MVK: variants seen among roughly 807,000 people sequenced by gnomAD.
MVK encodes LH receptor mRNA-binding protein.
In MVK, 34 loss-of-function variants were observed where a neutral mutation model predicts 43.2. That is an observed-to-expected ratio of 0.79 (90% CI 0.60 to 1.05). MVK has a LOEUF of 1.05. MVK is among the 50% of genes least tolerant of loss of function. The pLI, the probability that MVK is intolerant of heterozygous loss-of-function variation, is 0.00. For synonymous variants in MVK, 190 were observed against 219.8 expected, an observed-to-expected ratio of 0.86 and a Z score of 1.20; for missense variants, 395 against 504.0, an observed-to-expected ratio of 0.78 and a Z score of 2.07.
rs747641562 is a variant in MVK, at chr12:109,596,709, G to A, written c.*132G>A. ...GCTGGAGAGGCCCCAGCCGCTTGGCGATGCCAGCCAAGCTCTGCAGTCCCA... is the reference window on the plus strand; with the variant it reads ...GCTGGAGAGGCCCCAGCCGCTTGGCAATGCCAGCCAAGCTCTGCAGTCCCA... On this transcript the variant is annotated 3_prime_UTR_variant, in exon 11 of 11. Coordinates refer to ENST00000228510, the MANE Select transcript of MVK (RefSeq NM_000431.4). The A allele has an allele frequency of 6.1e-6, 8 of 1,309,314 alleles. No individual in the cohort carries two copies. Among genetic ancestry groups the A allele is most frequent in the Admixed American group, 2.0e-5 (1 of 50,512 alleles). 81.1% of individuals were successfully genotyped at this position (1,309,314 alleles called of 1,614,324 possible).
Position 109,597,584 on chromosome 12 carries a change from C to T in MVK, c.*1007C>T, listed in dbSNP as rs1034167389. ...TGCCATCGCTCCTGGGGCGCGCCTT[C>T]CTTTCTGAAATGAACTGGCTGGATG... is the stretch of plus-strand genomic sequence containing the variant. On this transcript the variant is annotated 3_prime_UTR_variant, in exon 11 of 11. Transcript: ENST00000228510. The T allele has an allele frequency of 6.6e-6, 1 of 152,270 alleles. No individual in the cohort carries two copies. Among genetic ancestry groups the T allele is most frequent in the African/African-American group, 2.4e-5 (1 of 41,446 alleles). 9.4% of individuals were successfully genotyped at this position (152,270 alleles called of 1,614,324 possible).
At chr12:109,576,646 G>T (rs535068480) in intron 3 of MVK, among the ~76,000 whole-genome samples, 4 of 151,992 alleles carry the variant, frequency 2.6e-5, no homozygotes, top group Admixed American at 1.3e-4. Context: ...CAAGGCGGGC[G>T]GATCATCTGA....
rs111713675 is a variant in MVK, at chr12:109,596,788, G to A, written c.*211G>A. 2.7e-5 allele frequency: 19 copies of A among 711,274 alleles called. No individual in the cohort carries two copies. The highest frequency in any genetic ancestry group is 3.9e-4 in the Middle Eastern group (1 of 2,534). 44.1% of individuals were successfully genotyped at this position (711,274 alleles called of 1,614,324 possible). A position where few individuals can be genotyped will look rare whatever the true frequency, so the allele number is the denominator to read the frequency against. On this transcript the variant is annotated 3_prime_UTR_variant, in exon 11 of 11. Coordinates refer to ENST00000228510, the MANE Select transcript of MVK (RefSeq NM_000431.4). ...CCCTCTGCATCCTCTGGAGCCAGCC[G>A]AGCAGGAGGCCTAGGAGGGTCCTCT...
intron 6 of MVK, 68 bp downstream of exon 6, chr12:109,586,193 C>T: frequency 8.1e-7 from 1 of 1,229,498 alleles, no homozygotes; most frequent in Non-Finnish European, 1.2e-6. Context: ...GGTAGGTGCC[C>T]AAGAGTCTGT....
At chr12:109,579,136 AAT>A in intron 3 of MVK, 2 of 384,468 alleles carry the variant, frequency 5.2e-6, no homozygotes, top group East Asian at 8.0e-5. Flanking sequence ...TTAAGACTAC[AAT>A]TTTTTTTTTT....
Position 109,590,978 on chromosome 12 carries a change from C to A in MVK, c.768+117C>A, listed in dbSNP as rs2136245374. The A allele has an allele frequency of 2.6e-6, 3 of 1,144,136 alleles. No individual in the cohort carries two copies. Among genetic ancestry groups the A allele is most frequent in the Non-Finnish European group, 3.9e-6 (3 of 776,258 alleles). 70.9% of individuals were successfully genotyped at this position (1,144,136 alleles called of 1,614,324 possible). A position where few individuals can be genotyped will look rare whatever the true frequency, so the allele number is the denominator to read the frequency against. On this transcript the variant is annotated intron_variant, in intron 8 of 10. Transcript: ENST00000228510. ...TAGGGGGTGTGGTGGGTGGTGGGGG[C>A]CCTTAGGGAGGTGGTTTTGGCAGAA... is the stretch of plus-strand genomic sequence containing the variant.
upstream of MVK, chr12:109,573,372 G>A (rs1884735250): frequency 6.8e-6 from 11 of 1,612,976 alleles, no homozygotes; most frequent in African/African-American, 1.3e-5. Flanking sequence ...ACGCCCTGAG[G>A]GCCGCGGCTC....
chr12:109,591,784 G>C (rs1321824655), intron 9 of MVK, among the ~76,000 whole-genome samples: 2 of 152,162 alleles, frequency 1.3e-5, no homozygotes, highest in African/African-American at 4.8e-5. Flanking sequence ...GCCTGCTTTG[G>C]GTCAGACAGA....
chr12:109,573,449 C>G (rs1481780966), upstream of MVK: 2 of 1,607,978 alleles, frequency 1.2e-6, no homozygotes, highest in African/African-American at 1.3e-5. Flanking sequence ...GCTCCCCAGG[C>G]CAAGACGGCT....
chr12:109,589,597 A>G (rs1177633280), intron 7 of MVK: 1 of 152,232 alleles, frequency 6.6e-6, no homozygotes, highest in Non-Finnish European at 1.5e-5. Context: ...TAAAAAAAAA[A>G]AAAAGCCAGC....
intron 7 of MVK, chr12:109,589,071 G>A (rs1885564246): frequency 6.6e-6 from 1 of 152,642 alleles, no homozygotes; most frequent in Non-Finnish European, 1.5e-5. Flanking sequence ...CACAGTAGCT[G>A]GGAGGTCAGA....
At chr12:109,586,888 G>A in intron 7 of MVK, 89 bp downstream of exon 7, 7 of 1,512,606 alleles carry the variant, frequency 4.6e-6, no homozygotes, top group Non-Finnish European at 6.4e-6. Context: ...AGTACCATAG[G>A]AGGCAGGTGT....
chr12:109,591,408 A>AAGGCAGTGGCTCTGCAATCTGGCT, intron 9 of MVK, 51 bp downstream of exon 9: 2 of 1,519,058 alleles, frequency 1.3e-6, no homozygotes, highest in Non-Finnish European at 1.8e-6. Context: ...ACCACTGTCC[A>AAGGCAGTGGCTCTGCAATCTGGCT]AGGCAGTGGC....
At chr12:109,586,259 T>G (rs1443654385) in intron 6 of MVK, 134 bp downstream of exon 6, 6 of 799,488 alleles carry the variant, frequency 7.5e-6, no homozygotes. Context: ...ATTTTCCTAT[T>G]TTGGGGGGAA....
intron 5 of MVK, among the ~76,000 whole-genome samples, chr12:109,585,115 C>T (rs1466408586): frequency 1.3e-5 from 2 of 152,216 alleles, no homozygotes; most frequent in African/African-American, 4.8e-5. Flanking sequence ...TGAGCCCACA[C>T]CTGGTCCATG....
chr12:109,575,606 T>A (rs554287602), intron 2 of MVK, among the ~76,000 whole-genome samples: 5 of 152,146 alleles, frequency 3.3e-5, no homozygotes, highest in Non-Finnish European at 7.3e-5. Flanking sequence ...TACGCTGGTC[T>A]CAAACTCCTG....
chr12:109,584,738 A>T (rs1885362966), intron 5 of MVK, among the ~76,000 whole-genome samples: 1 of 152,098 alleles, frequency 6.6e-6, no homozygotes, highest in African/African-American at 2.4e-5. Flanking sequence ...TACAAACATT[A>T]GCCAGGCGTG....
chr12:109,591,234 T>TC lies in MVK; in HGVS notation c.769-6dup, dbSNP rs104895348. On this transcript the variant is annotated splice_polypyrimidine_tract_variant and splice_region_variant and intron_variant, in intron 8 of 10. Transcript: ENST00000228510. The stretch of plus-strand genomic sequence containing the variant: ...CCTCACCAGCCGTTCCTTCTTTTTT[T>TC]CTCCAGTTCCCAGAGATCGTGGCCC... The TC allele has an allele frequency of 7.4e-6, 12 of 1,613,980 alleles. No homozygotes were observed. In the East Asian group the frequency reaches 2.5e-4, roughly 33 times the overall value.
chr12:109,590,733 TGAGTTCAGTG>T, intron 7 of MVK, 28 bp from the exon 8 acceptor site: 1 of 1,593,298 alleles, frequency 6.3e-7, no homozygotes, highest in Non-Finnish European at 8.6e-7. Flanking sequence ...TCCTCCATCT[TGAGTTCAGTG>T]TGGACCTGCC....
Sources: allele counts gnomAD v4.1 joint callset (sites outside exome capture counted in the v4.1 genomes callset), GRCh38; gene constraint gnomAD v4.1.1; transcripts MANE v1.5; gene names NCBI Gene and HGNC (gene_info 2026-07-23, HGNC 2026-07-21).